Variants in PRKN observed in about 807,000 individuals in gnomAD.
PRKN encodes parkin RBR E3 ubiquitin protein ligase.
A neutral mutation model predicts 59.5 loss-of-function variants in PRKN; 56 were observed. That is an observed-to-expected ratio of 0.94 (90% CI 0.76 to 1.18). The LOEUF (loss-of-function observed/expected upper bound fraction) is 1.18. Among genes scored for constraint, PRKN ranks in the 50% most tolerant of loss-of-function variants. The probability of loss-of-function intolerance (pLI) is 0.00; values close to 1 mark genes in which losing one functional copy is unlikely to be tolerated. For synonymous variants in PRKN, 250 were observed against 222.1 expected, an observed-to-expected ratio of 1.13 and a Z score of -1.12; for missense variants, 657 against 596.4, an observed-to-expected ratio of 1.10 and a Z score of -1.06.
At chr6:162,281,047 C>T (rs1780880390) in intron 2 of PRKN, among the ~76,000 whole-genome samples, 1 of 152,074 alleles carries the variant, frequency 6.6e-6, no homozygotes, top group Non-Finnish European at 1.5e-5. Flanking sequence ...AACACTGCAT[C>T]CATGCCATAA....
At chr6:162,151,099 G>T (rs1782251450) in intron 4 of PRKN, among the ~76,000 whole-genome samples, 1 of 152,148 alleles carries the variant, frequency 6.6e-6, no homozygotes, top group African/African-American at 2.4e-5. Flanking sequence ...GAAAATCAGA[G>T]GCCGTCCACA....
chr6:161,903,584 T>G (rs1453227182), intron 6 of PRKN, among the ~76,000 whole-genome samples: 1 of 152,074 alleles, frequency 6.6e-6, no homozygotes, highest in Non-Finnish European at 1.5e-5. Flanking sequence ...GCCAACCAAT[T>G]TAGAGTCAGA....
chr6:162,419,408 A>G (rs1343401338), intron 2 of PRKN, among the ~76,000 whole-genome samples: 1 of 152,230 alleles, frequency 6.6e-6, no homozygotes, highest in Non-Finnish European at 1.5e-5. Flanking sequence ...AGACGTTTAC[A>G]TGCATGTGGT....
intron 1 of PRKN, among the ~76,000 whole-genome samples, chr6:162,640,934 GTCATA>G (rs1167784195): frequency 6.6e-6 from 1 of 152,076 alleles, no homozygotes; most frequent in Non-Finnish European, 1.5e-5. Context: ...CATGGCGAAG[GTCATA>G]TTCCAGGAAC....
At chr6:161,577,505 C>T (rs886098022) in intron 7 of PRKN, among the ~76,000 whole-genome samples, 1 of 152,142 alleles carries the variant, frequency 6.6e-6, no homozygotes, top group African/African-American at 2.4e-5. Flanking sequence ...GAAAACCTTC[C>T]AATACAACCA....
intron 2 of PRKN, among the ~76,000 whole-genome samples, chr6:162,282,994 CTTTTT>C (rs753282460): frequency 1.4e-5 from 2 of 144,786 alleles, no homozygotes; most frequent in Non-Finnish European, 3.0e-5. Context: ...TTCTCTCTCT[CTTTTT>C]TTTTTTTGAC....
chr6:162,138,781 G>A (rs564688676), intron 4 of PRKN, among the ~76,000 whole-genome samples: 1 of 152,226 alleles, frequency 6.6e-6, no homozygotes, highest in Non-Finnish European at 1.5e-5. Context: ...CAATTGATTA[G>A]ATAATGCAGA....
At chr6:162,212,575 G>A (rs1173257921) in intron 3 of PRKN, among the ~76,000 whole-genome samples, 3 of 152,102 alleles carry the variant, frequency 2.0e-5, no homozygotes, top group South Asian at 2.1e-4. Flanking sequence ...GTCACAGGCC[G>A]GCATGTATTC....
chr6:161,799,978 G>C (rs567257194), intron 6 of PRKN, among the ~76,000 whole-genome samples: 1 of 152,274 alleles, frequency 6.6e-6, no homozygotes, highest in South Asian at 2.1e-4. Context: ...AGCAAGATGA[G>C]GTCTGAGGAG....
At chr6:161,728,660 T>C (rs967110557) in intron 7 of PRKN, among the ~76,000 whole-genome samples, 2 of 152,206 alleles carry the variant, frequency 1.3e-5, no homozygotes, top group African/African-American at 4.8e-5. Flanking sequence ...TATCTTCTGA[T>C]GGAATATTCT....
At chr6:162,613,231 G>C (rs1022083709) in intron 1 of PRKN, among the ~76,000 whole-genome samples, 14 of 152,308 alleles carry the variant, frequency 9.2e-5, no homozygotes, top group African/African-American at 3.4e-4. Context: ...CTTGCACTTA[G>C]AAGCACTGAC....
At chr6:161,774,799 C>T (rs1050107547) in intron 7 of PRKN, among the ~76,000 whole-genome samples, 11 of 152,154 alleles carry the variant, frequency 7.2e-5, no homozygotes, top group African/African-American at 4.8e-5. Context: ...GACTTTACAC[C>T]GCCTCATGCA....
At chr6:161,920,785 T>TA (rs74980727) in intron 6 of PRKN, among the ~76,000 whole-genome samples, 13,096 of 128,500 alleles carry the variant, frequency 0.1, 805 homozygotes, top group East Asian at 0.35. Flanking sequence ...TGAGACTGTC[T>TA]AAAAAAAAAA....
At chr6:161,953,594 G>A (rs1268666491) in intron 6 of PRKN, among the ~76,000 whole-genome samples, 2 of 152,124 alleles carry the variant, frequency 1.3e-5, no homozygotes, top group Non-Finnish European at 2.9e-5. Flanking sequence ...GCACAACCAC[G>A]TCCCTGAACA....
chr6:162,628,276 G>A (rs556605219), intron 1 of PRKN, among the ~76,000 whole-genome samples: 2 of 152,138 alleles, frequency 1.3e-5, no homozygotes. Context: ...AAACATAACT[G>A]TATGACCTAA....
At chr6:161,573,795 T>A (rs1264157628) in intron 7 of PRKN, among the ~76,000 whole-genome samples, 19 of 98,620 alleles carry the variant, frequency 1.9e-4, no homozygotes, top group African/African-American at 3.1e-4. Flanking sequence ...TATATATATA[T>A]AAAACTTCAT....
At chr6:162,078,015 A>G (rs545907687) in intron 4 of PRKN, among the ~76,000 whole-genome samples, 3,200 of 151,824 alleles carry the variant, frequency 0.021, 100 homozygotes, top group African/African-American at 0.061. Flanking sequence ...AAAAAAAAAA[A>G]AAAAAAAATT....
rs1784648078 is a variant in PRKN at position 161,353,688 on chromosome 6, A to G, written c.1286-3477T>C. The stretch of plus-strand genomic sequence containing the variant: ...TTCCCTGAGTTCTGTGAGCCACTGT[A>G]GCAAATAACAGAACCCAAAGAGGGA... On this transcript the variant is annotated intron_variant, in intron 11 of 11. Transcript: ENST00000366898. The surrounding 1 kb of genome is among the most constrained non-coding windows in gnomAD (Gnocchi z 4.8). Among the ~76,000 whole-genome samples the G allele has an allele frequency of 6.6e-6, 1 of 152,228 alleles. No homozygotes were observed.
At position 161,548,911 on chromosome 6, in the gene PRKN, C is replaced by T. The variant is rs765187897; in HGVS notation, c.1026G>A (p.Leu342=). 4.3e-6 allele frequency: 7 copies of T among 1,614,188 alleles called. No individual in the cohort carries two copies. The highest frequency in any genetic ancestry group is 1.7e-5 in the Admixed American group (1 of 60,026). The part of the protein sequence containing the change: ...CPRPGCGAGL[L]PEPDQRKVTC... ...TGACTTTCCTCTGGTCAGGCTCCGG[C>T]AGCAGCCCCGCTCCACAGCCAGGGC... is the stretch of plus-strand genomic sequence containing the variant. Residue 342 remains leucine, a synonymous_variant, in exon 9 of 12, where the codon CTG becomes CTA. Coordinates refer to ENST00000366898, the MANE Select transcript of PRKN (RefSeq NM_004562.3). The surrounding 1 kb of genome is among the most constrained non-coding windows in gnomAD (Gnocchi z 4.2).
Sources: allele counts gnomAD v4.1 joint callset (sites outside exome capture counted in the v4.1 genomes callset), GRCh38; gene constraint gnomAD v4.1.1; non-coding constraint Gnocchi (gnomAD v3.1); transcripts MANE v1.5; gene names NCBI Gene and HGNC (gene_info 2026-07-23, HGNC 2026-07-21).